CDH18: variants seen among roughly 807,000 people sequenced by gnomAD.
CDH18 encodes the protein cadherin-18.
A neutral mutation model predicts 67.9 loss-of-function variants in CDH18; 31 were observed. The observed-to-expected ratio is 0.46, with a 90% CI of 0.34 to 0.62. The LOEUF (loss-of-function observed/expected upper bound fraction) is 0.62, where lower values mean the gene tolerates loss of function less well. Among genes scored for constraint, CDH18 ranks in the 20% least tolerant of loss-of-function variants. The pLI, the probability that CDH18 is intolerant of heterozygous loss-of-function variation, is 0.01. For missense variants in CDH18, 890 were observed against 975.5 expected (o/e 0.91, Z 1.17); for synonymous variants, 362 against 347.2 (o/e 1.04, Z -0.48).
chr5:20,027,773 T>C (rs1325733376), intron 2 of CDH18, among the ~76,000 whole-genome samples: 2 of 152,222 alleles, frequency 1.3e-5, no homozygotes, highest in Admixed American at 6.5e-5. Context: ...CTAATTTTTA[T>C]ATGGTGGTCT....
chr5:20,410,204 T>A (rs1007855010), intron 1 of CDH18, among the ~76,000 whole-genome samples: 1 of 151,210 alleles, frequency 6.6e-6, no homozygotes, highest in South Asian at 2.1e-4. Flanking sequence ...ACAGACAATA[T>A]ACTAGAATTA....
intron 1 of CDH18, among the ~76,000 whole-genome samples, chr5:19,984,736 C>T (rs546358071): frequency 3.4e-4 from 52 of 152,214 alleles, no homozygotes; most frequent in African/African-American, 1.2e-3. Context: ...AGAAAATGGC[C>T]TACAGATCAG....
At chr5:20,268,311 G>C (rs1354679782) in intron 1 of CDH18, among the ~76,000 whole-genome samples, 1 of 152,016 alleles carries the variant, frequency 6.6e-6, no homozygotes, top group African/African-American at 2.4e-5. Flanking sequence ...GAATCTTTAG[G>C]TTTTTCTAGA....
At chr5:19,622,320 T>G (rs1028038032) in intron 5 of CDH18, among the ~76,000 whole-genome samples, 4 of 152,154 alleles carry the variant, frequency 2.6e-5, no homozygotes, top group Non-Finnish European at 4.4e-5. Context: ...GAGTGAGAAC[T>G]GGAAAAATAA....
chr5:19,471,584 T>C lies in CDH18; in HGVS notation c.*1642A>G, dbSNP rs2126475364. 6.7e-6 allele frequency among the ~76,000 whole-genome samples: 1 copy of C among 148,524 alleles called. No individual in the cohort carries two copies. The highest frequency in any genetic ancestry group is 2.2e-4 in the South Asian group (1 of 4,530). On this transcript the variant is annotated 3_prime_UTR_variant, in exon 13 of 13. Coordinates refer to ENST00000382275, the MANE Select transcript of CDH18 (RefSeq NM_004934.5). ...TAAGAATTTCAATATTTCTGAAATATATAGATGTGGCCAGTTTTAGAAAAT... is the reference window on the plus strand; with the variant it reads ...TAAGAATTTCAATATTTCTGAAATACATAGATGTGGCCAGTTTTAGAAAAT...
intron 2 of CDH18, among the ~76,000 whole-genome samples, chr5:20,108,641 A>G (rs911027088): frequency 6.6e-6 from 1 of 152,016 alleles, no homozygotes; most frequent in Non-Finnish European, 1.5e-5. Context: ...ACCACAGCCT[A>G]GCATACCTGG....
intron 5 of CDH18, among the ~76,000 whole-genome samples, chr5:19,714,253 T>C (rs1765073180): frequency 6.9e-6 from 1 of 145,046 alleles, no homozygotes; most frequent in South Asian, 2.4e-4. Context: ...GCAGTGTTGA[T>C]AGATACAGGG....
chr5:19,484,677 A>G (rs2126608200), intron 11 of CDH18, among the ~76,000 whole-genome samples: 1 of 152,314 alleles, frequency 6.6e-6, no homozygotes, highest in Non-Finnish European at 1.5e-5. Flanking sequence ...ACTACTGACA[A>G]TACTGATGGA....
intron 1 of CDH18, among the ~76,000 whole-genome samples, chr5:20,447,185 T>C (rs1467843265): frequency 6.6e-6 from 1 of 152,190 alleles, no homozygotes; most frequent in Non-Finnish European, 1.5e-5. Flanking sequence ...TTTCTGTTTT[T>C]CTCAGTGTCC....
At chr5:20,104,222 T>A (rs1483568179) in intron 2 of CDH18, among the ~76,000 whole-genome samples, 1 of 152,000 alleles carries the variant, frequency 6.6e-6, no homozygotes, top group Non-Finnish European at 1.5e-5. Context: ...TTAAATTAAA[T>A]CCACTTTTTG....
At chr5:19,709,004 T>TA (rs70950088) in intron 5 of CDH18, among the ~76,000 whole-genome samples, 50,090 of 149,012 alleles carry the variant, frequency 0.34, 8,704 homozygotes, top group African/African-American at 0.41. Flanking sequence ...CTAGACTCTG[T>TA]TAAATAAATA....
At chr5:19,572,810 C>T (rs1741668587) in intron 7 of CDH18, among the ~76,000 whole-genome samples, 1 of 152,086 alleles carries the variant, frequency 6.6e-6, no homozygotes. Flanking sequence ...AGAAACATCC[C>T]TTCAGTTCAT....
chr5:19,736,134 A>G (rs1415611916), intron 4 of CDH18, among the ~76,000 whole-genome samples: 1 of 152,240 alleles, frequency 6.6e-6, no homozygotes, highest in Non-Finnish European at 1.5e-5. Context: ...TTAAGATACA[A>G]CACAAGAATT....
chr5:19,882,891 A>G (rs1459723697), intron 2 of CDH18, among the ~76,000 whole-genome samples: 1 of 152,222 alleles, frequency 6.6e-6, no homozygotes, highest in Non-Finnish European at 1.5e-5. Flanking sequence ...TCAGGTATCA[A>G]GATATCTTTG....
chr5:19,852,816 C>G (rs1380210488), intron 2 of CDH18, among the ~76,000 whole-genome samples: 1 of 151,970 alleles, frequency 6.6e-6, no homozygotes, highest in African/African-American at 2.4e-5. Context: ...TCTAGGAATC[C>G]ATTTGGCCAA....
At chr5:20,458,243 G>A (rs1244919930) in intron 1 of CDH18, among the ~76,000 whole-genome samples, 6 of 152,078 alleles carry the variant, frequency 3.9e-5, no homozygotes, top group Non-Finnish European at 5.9e-5. Flanking sequence ...TCAGAATCCT[G>A]CCTGTAGCAG....
At chr5:19,594,966 G>A (rs1001698900) in intron 6 of CDH18, among the ~76,000 whole-genome samples, 1 of 151,814 alleles carries the variant, frequency 6.6e-6, no homozygotes, top group African/African-American at 2.4e-5. Context: ...AAAAATAAAA[G>A]GGAACTAAAT....
intron 2 of CDH18, among the ~76,000 whole-genome samples, chr5:20,083,093 G>C (rs1744626328): frequency 6.6e-6 from 1 of 152,168 alleles, no homozygotes; most frequent in African/African-American, 2.4e-5. Context: ...GGGGTACAAT[G>C]ATAAAACAAT....
intron 1 of CDH18, among the ~76,000 whole-genome samples, chr5:20,539,870 T>G (rs1452892709): frequency 6.6e-6 from 1 of 152,088 alleles, no homozygotes; most frequent in Admixed American, 6.6e-5. Flanking sequence ...TATTGGAGAT[T>G]TAACTCATAC....
Sources: gnomAD v4.1 joint callset for allele counts (sites outside exome capture counted in the v4.1 genomes callset) on GRCh38, gnomAD v4.1.1 for gene constraint, MANE v1.5 for transcripts, NCBI Gene and HGNC (gene_info 2026-07-23, HGNC 2026-07-21) for gene names.